Variants in MCTP1 observed in about 807,000 individuals in gnomAD.
MCTP1 encodes the protein multiple C2 and transmembrane domain containing 1.
A neutral mutation model predicts 120.6 loss-of-function variants in MCTP1; 69 were observed. The observed-to-expected ratio is 0.57, with a 90% CI of 0.47 to 0.70. The LOEUF is 0.70. Ranked by LOEUF, MCTP1 falls within the 30% of genes least tolerant of loss-of-function variation. MCTP1 has a pLI of 0.00. For missense variants in MCTP1, 1,203 were observed against 1,248.8 expected, an observed-to-expected ratio of 0.96 and a Z score of 0.55; for synonymous variants, 529 against 493.1, an observed-to-expected ratio of 1.07 and a Z score of -0.96.
chr5:94,715,106 A>G (rs1389449323), intron 19 of MCTP1, among the ~76,000 whole-genome samples: 2 of 152,042 alleles, frequency 1.3e-5, no homozygotes, highest in African/African-American at 4.8e-5. Context: ...GATGGCTGCA[A>G]AGCAAGAGCC....
At chr5:94,945,309 T>C (rs1818661251) in intron 3 of MCTP1, among the ~76,000 whole-genome samples, 2 of 152,186 alleles carry the variant, frequency 1.3e-5, no homozygotes, top group African/African-American at 4.8e-5. Context: ...ATATTTAATT[T>C]AAAACAACAA....
intron 1 of MCTP1, among the ~76,000 whole-genome samples, chr5:95,150,501 G>A (rs1299283355): frequency 1.3e-5 from 2 of 152,024 alleles, no homozygotes; most frequent in Admixed American, 1.3e-4. Flanking sequence ...TTAGCTGGGA[G>A]GTTTTCTCAT....
intron 17 of MCTP1, among the ~76,000 whole-genome samples, chr5:94,839,020 T>A (rs1790425698): frequency 6.6e-6 from 1 of 152,180 alleles, no homozygotes; most frequent in African/African-American, 2.4e-5. Flanking sequence ...GTCTCTGAAA[T>A]TGTCTAAGCC....
intron 1 of MCTP1, among the ~76,000 whole-genome samples, chr5:95,239,839 C>T (rs189091688): frequency 6.6e-6 from 1 of 152,212 alleles, no homozygotes; most frequent in Admixed American, 6.5e-5. Context: ...GTATCTCTCT[C>T]CTCACACTTT....
intron 1 of MCTP1, among the ~76,000 whole-genome samples, chr5:95,126,030 T>C (rs1220261749): frequency 6.6e-6 from 1 of 152,228 alleles, no homozygotes; most frequent in Non-Finnish European, 1.5e-5. Context: ...AAAAAAAATT[T>C]CAGTAAAGAA....
chr5:94,940,581 TATATGTATATATATATACAC>T (rs1817410639), intron 4 of MCTP1, among the ~76,000 whole-genome samples: 2 of 118,404 alleles, frequency 1.7e-5, no homozygotes, highest in African/African-American at 7.7e-5. Flanking sequence ...TATATACATA[TATATGTATATATATATACAC>T]ATATACATAT....
intron 18 of MCTP1, among the ~76,000 whole-genome samples, chr5:94,785,655 C>A (rs1489467884): frequency 6.6e-6 from 1 of 151,918 alleles, no homozygotes; most frequent in Non-Finnish European, 1.5e-5. Context: ...GTACTTATGC[C>A]TCTATATTTA....
At chr5:95,185,555 G>T (rs1218809542) in intron 1 of MCTP1, among the ~76,000 whole-genome samples, 1 of 152,184 alleles carries the variant, frequency 6.6e-6, no homozygotes, top group Non-Finnish European at 1.5e-5. Context: ...GATCGAAGTG[G>T]GTGGATTGCC....
In MCTP1 at chr5:95,208,728, G is replaced by GAA. The variant is rs35256756; in HGVS notation, c.720+75126_720+75127dup. On this transcript the variant is annotated intron_variant, in intron 1 of 22. Transcript: ENST00000515393. Reference sequence around the variant, plus strand: ...AACCTGTTCATCTTCAACCCTTTCAGAAAAAAAAAAAAAAAGTTCTAGAAC... The same window carrying GAA: ...AACCTGTTCATCTTCAACCCTTTCAGAAAAAAAAAAAAAAAAAGTTCTAGAAC... 1.9e-3 allele frequency among the ~76,000 whole-genome samples: 244 copies of GAA among 126,968 alleles called. 2 individuals carry two copies. The highest frequency in any genetic ancestry group is 7.0e-3 in the African/African-American group (232 of 32,998). 83.3% of individuals were successfully genotyped at this position (126,968 alleles called of 152,430 possible).
At chr5:95,237,103 A>G (rs113193595) in intron 1 of MCTP1, among the ~76,000 whole-genome samples, 3 of 152,222 alleles carry the variant, frequency 2.0e-5, no homozygotes, top group African/African-American at 7.2e-5. Context: ...TTTTCAGCCT[A>G]TTCTTAAGCC....
chr5:94,704,820 C>A lies in MCTP1; in HGVS notation c.*2676G>T, dbSNP rs1057393194. On this transcript the variant is annotated 3_prime_UTR_variant, in exon 23 of 23. Coordinates refer to ENST00000515393, the MANE Select transcript of MCTP1 (RefSeq NM_024717.7). ...TGATTGATAGGTTCTGTAGGAATTC[C>A]AGTTTTTGAACATTCTATATGCACT... The A allele has an allele frequency of 6.7e-6, 1 of 149,120 alleles. No individual in the cohort carries two copies. The highest frequency in any genetic ancestry group is 2.5e-5 in the African/African-American group (1 of 40,808). The allele number at this position is 149,120 out of a possible 1,614,324, so 9.2% of individuals were successfully genotyped here.
Position 94,795,899 on chromosome 5 carries a change from G to A in MCTP1, c.2556+3114C>T, listed in dbSNP as rs555966059. Among the ~76,000 whole-genome samples the A allele has an allele frequency of 2.9e-4, 44 of 152,280 alleles. No homozygotes were observed. In the South Asian group the frequency reaches 4.6e-3, roughly 16 times the overall value. Reference sequence around the variant, plus strand: ...AATGCTGCAAAACTTATTCAGCAAGGATTACATCTGATTTTGCTCATTAAA... The same window carrying A: ...AATGCTGCAAAACTTATTCAGCAAGAATTACATCTGATTTTGCTCATTAAA... On this transcript the variant is annotated intron_variant, in intron 18 of 22. Transcript: ENST00000515393.
At chr5:94,739,448 T>C (rs1219416640) in intron 19 of MCTP1, 1 of 151,950 alleles carries the variant, frequency 6.6e-6, no homozygotes, top group Non-Finnish European at 1.5e-5. Flanking sequence ...AAATATATCA[T>C]GGAATTACAA....
At chr5:94,961,596 A>G (rs1213999229) in intron 2 of MCTP1, among the ~76,000 whole-genome samples, 2 of 152,138 alleles carry the variant, frequency 1.3e-5, no homozygotes, top group African/African-American at 4.8e-5. Context: ...ACCATTTCTC[A>G]TCTTTGTGTG....
intron 1 of MCTP1, among the ~76,000 whole-genome samples, chr5:95,142,163 G>T (rs561123649): frequency 6.6e-6 from 1 of 152,164 alleles, no homozygotes; most frequent in African/African-American, 2.4e-5. Flanking sequence ...GTCTCATGAA[G>T]GCTATATGTA....
At chr5:94,998,907 T>C (rs1293524722) in intron 2 of MCTP1, among the ~76,000 whole-genome samples, 7 of 152,174 alleles carry the variant, frequency 4.6e-5, no homozygotes, top group Admixed American at 4.6e-4. Flanking sequence ...AAGGCTTAAA[T>C]GCCACTGTTT....
chr5:95,071,649 C>A (rs1395308081), intron 1 of MCTP1, among the ~76,000 whole-genome samples: 1 of 152,136 alleles, frequency 6.6e-6, no homozygotes, highest in Non-Finnish European at 1.5e-5. Flanking sequence ...AAAAATATTT[C>A]TGTATCCCTG....
chr5:94,757,463 A>G (rs1770192158), intron 19 of MCTP1, among the ~76,000 whole-genome samples: 1 of 152,224 alleles, frequency 6.6e-6, no homozygotes, highest in Non-Finnish European at 1.5e-5. Context: ...TGTCTTCATG[A>G]TTAAAATAAT....
intron 19 of MCTP1, among the ~76,000 whole-genome samples, chr5:94,755,999 T>C (rs1247354608): frequency 6.6e-6 from 1 of 152,222 alleles, no homozygotes; most frequent in Non-Finnish European, 1.5e-5. Context: ...TTCTGTTCCA[T>C]TTAACAACTT....
Sources: gnomAD v4.1 joint callset for allele counts (sites outside exome capture counted in the v4.1 genomes callset) on GRCh38, gnomAD v4.1.1 for gene constraint, MANE v1.5 for transcripts, NCBI Gene and HGNC (gene_info 2026-07-23, HGNC 2026-07-21) for gene names.